The following KHDC1 variants were observed in gnomAD, a reference collection of about 807,000 sequenced individuals.
KHDC1 encodes the protein KH homology domain-containing protein 1.
Under a neutral mutation model 24.7 loss-of-function variants are expected in KHDC1, and 21 were observed. The ratio of observed to expected loss-of-function variants is 0.85; its 90% CI spans 0.60 to 1.23. The LOEUF is 1.23. KHDC1 is among the 50% of genes most tolerant of loss of function. The pLI is 0.00. For missense variants in KHDC1, 274 were observed against 298.5 expected (o/e 0.92, Z 0.61); for synonymous variants, 98 against 111.7 (o/e 0.88, Z 0.77).
intron 1 of KHDC1, chr6:73,300,911 G>A (rs1767862442): frequency 6.6e-6 from 1 of 152,220 alleles, no homozygotes; most frequent in Admixed American, 6.5e-5. Context: ...ACAAAATCTT[G>A]AGAAGACACG....
At chr6:73,261,167 G>T (rs774132718) in intron 2 of KHDC1, among the ~76,000 whole-genome samples, 1 of 152,190 alleles carries the variant, frequency 6.6e-6, no homozygotes, top group Non-Finnish European at 1.5e-5. Context: ...CATAGGCCAG[G>T]CATGGTGGCT....
At chr6:73,283,899 C>T (rs1162754557) in intron 2 of KHDC1, among the ~76,000 whole-genome samples, 1 of 151,858 alleles carries the variant, frequency 6.6e-6, no homozygotes, top group African/African-American at 2.4e-5. Context: ...TTGATAACTG[C>T]AGTATTTTCC....
chr6:73,246,341 A>G (rs1028719200), intron 2 of KHDC1, among the ~76,000 whole-genome samples: 1 of 152,238 alleles, frequency 6.6e-6, no homozygotes, highest in Non-Finnish European at 1.5e-5. Flanking sequence ...TTGTGATAGC[A>G]TAGACTACTT....
chr6:73,300,753 A>G (rs1767859472), intron 1 of KHDC1: 1 of 152,098 alleles, frequency 6.6e-6, no homozygotes, highest in African/African-American at 2.4e-5. Context: ...AAAAAACTTC[A>G]CCTCTTTGGT....
At chr6:73,292,618 G>GTTT (rs1767677406) in intron 1 of KHDC1, 1 of 759,452 alleles carries the variant, frequency 1.3e-6, no homozygotes. Context: ...ACTGGTCTCT[G>GTTT]TTTTCTTCAA....
At chr6:73,299,942 A>T (rs1333308962) in intron 1 of KHDC1, 4 of 152,248 alleles carry the variant, frequency 2.6e-5, no homozygotes, top group Non-Finnish European at 4.4e-5. Flanking sequence ...TTGAGTGAGC[A>T]GGTGAGGCCC....
intron 1 of KHDC1, among the ~76,000 whole-genome samples, chr6:73,293,456 G>T (rs1444917039): frequency 6.6e-6 from 1 of 152,154 alleles, no homozygotes; most frequent in African/African-American, 2.4e-5. Context: ...ATCCTTTTAA[G>T]CTAATTATAG....
intron 2 of KHDC1, chr6:73,270,293 T>C (rs1043828280): frequency 1.3e-5 from 2 of 152,222 alleles, no homozygotes; most frequent in Admixed American, 6.5e-5. Context: ...TATTGAAGTA[T>C]TGTACTATTT....
At position 73,263,205 on chromosome 6, in the gene KHDC1, C is replaced by T; in HGVS notation, c.207-20675G>A. On this transcript the variant is annotated intron_variant, in intron 2 of 4. Coordinates refer to ENST00000370384, the Ensembl canonical transcript of KHDC1. Reference sequence around the variant, plus strand: ...CGCGCTCGAGCGGAAGTGGCGGCGACCCCGCCGGAAGCGCGCGGCTGCGGC... The same window carrying T: ...CGCGCTCGAGCGGAAGTGGCGGCGATCCCGCCGGAAGCGCGCGGCTGCGGC... 2 of 987,228 alleles carry T rather than the reference C, an allele frequency of 2.0e-6. No individual in the cohort carries two copies. Among genetic ancestry groups the T allele is most frequent in the South Asian group, 4.5e-5 (1 of 22,128 alleles). 61.2% of individuals were successfully genotyped at this position (987,228 alleles called of 1,614,324 possible). A position where few individuals can be genotyped will look rare whatever the true frequency, so the allele number is the denominator to read the frequency against.
At chr6:73,267,094 C>T (rs1462060382) in intron 2 of KHDC1, among the ~76,000 whole-genome samples, 2 of 152,100 alleles carry the variant, frequency 1.3e-5, no homozygotes, top group Admixed American at 1.3e-4. Flanking sequence ...CCAATAAGAA[C>T]ATGAAAAGAT....
At position 73,241,906 on chromosome 6, in the gene KHDC1, A is replaced by C. The variant is rs527758652; in HGVS notation, c.514+149T>G. On this transcript the variant is annotated intron_variant, in intron 4 of 4. Transcript: ENST00000370384. Reference sequence around the variant, plus strand: ...CTTAAGCAATCTCATGCCACAAAAAAAGATGAGCACTTTTCTTCCCAATGG... The same window carrying C: ...CTTAAGCAATCTCATGCCACAAAAACAGATGAGCACTTTTCTTCCCAATGG... The C allele has an allele frequency of 2.3e-5, 25 of 1,073,604 alleles. No individual in the cohort carries two copies. The East Asian group carries it at 5.4e-4, about 23-fold the overall frequency. 66.5% of individuals were successfully genotyped at this position (1,073,604 alleles called of 1,614,324 possible).
At chr6:73,263,868 T>G (rs769263020) in intron 2 of KHDC1, among the ~76,000 whole-genome samples, 5 of 152,220 alleles carry the variant, frequency 3.3e-5, no homozygotes, top group Non-Finnish European at 7.3e-5. Context: ...GAAGATTCTT[T>G]TGTTCAAGTC....
At chr6:73,253,807 T>C (rs1367452473) in intron 2 of KHDC1, among the ~76,000 whole-genome samples, 1 of 151,886 alleles carries the variant, frequency 6.6e-6, no homozygotes, top group Admixed American at 6.6e-5. Context: ...CTCAGGAGAC[T>C]GAGGTGGGAA....
chr6:73,246,145 G>A (rs950943249), intron 2 of KHDC1, among the ~76,000 whole-genome samples: 1 of 152,158 alleles, frequency 6.6e-6, no homozygotes, highest in Non-Finnish European at 1.5e-5. Context: ...CTGATATGGA[G>A]CAACTCATCA....
chr6:73,259,236 T>C (rs1252174612), intron 2 of KHDC1, among the ~76,000 whole-genome samples: 1 of 151,338 alleles, frequency 6.6e-6, no homozygotes, highest in African/African-American at 2.4e-5. Context: ...CCAGGTCCCA[T>C]CTTTCCTCAT....
chr6:73,310,122 C>T (rs1335928266), exon 1 of KHDC1: 1 of 194,524 alleles, frequency 5.1e-6, no homozygotes. Flanking sequence ...GAGCAGCATC[C>T]CGCCGCCCGC....
chr6:73,241,763 G>T (rs1199070142), intron 4 of KHDC1, 35 bp from the exon 4 acceptor site: 39 of 1,609,308 alleles, frequency 2.4e-5, no homozygotes, highest in Non-Finnish European at 3.1e-5. Context: ...ATGAACCAGG[G>T]CCCATAACTG....
intron 2 of KHDC1, among the ~76,000 whole-genome samples, chr6:73,248,422 C>T (rs1405315748): frequency 6.6e-6 from 1 of 151,972 alleles, no homozygotes; most frequent in African/African-American, 2.4e-5. Flanking sequence ...TCTCTCTCAT[C>T]TTCCCTTCTT....
In KHDC1 at chr6:73,295,624, T is replaced by G. The variant is rs906020237; in HGVS notation, c.164-3584A>C. ...ACTTTGGGAGGCCAAGGCGGGCGGA[T>G]TACCTGAGGTCAGGAGTTCGACACC... On this transcript the variant is annotated intron_variant, in intron 1 of 4. Transcript: ENST00000370384. Among the ~76,000 whole-genome samples, 8 of 151,810 alleles carry G rather than the reference T, an allele frequency of 5.3e-5. No homozygotes were observed. The South Asian group carries it at 6.3e-4, about 12-fold the overall frequency.
Sources: allele counts gnomAD v4.1 joint callset (sites outside exome capture counted in the v4.1 genomes callset), GRCh38; gene constraint gnomAD v4.1.1; transcripts MANE v1.5; gene names NCBI Gene and HGNC (gene_info 2026-07-23, HGNC 2026-07-21).